ADAM22: variants seen among roughly 807,000 people sequenced by gnomAD.
The protein encoded by ADAM22 is ADAM metallopeptidase domain 22, also known as disintegrin and metalloproteinase domain-containing protein 22.
In ADAM22, 65 loss-of-function variants were observed where a neutral mutation model predicts 144.6. The observed-to-expected ratio is 0.45, with a 90% CI of 0.37 to 0.55. The LOEUF (loss-of-function observed/expected upper bound fraction) is 0.55, where lower values mean the gene tolerates loss of function less well. ADAM22 is among the 20% of genes least tolerant of loss of function. The probability of loss-of-function intolerance (pLI) is 0.00; values close to 1 mark genes in which losing one functional copy is unlikely to be tolerated. For missense variants in ADAM22, 974 were observed against 1,184.9 expected (o/e 0.82, Z 2.61); for synonymous variants, 391 against 412.6 (o/e 0.95, Z 0.63).
chr7:88,118,643 C>G (rs13311588), intron 7 of ADAM22, among the ~76,000 whole-genome samples: 1 of 33,994 alleles, frequency 2.9e-5, no homozygotes, highest in Non-Finnish European at 5.6e-5. Flanking sequence ...CCTTATATAT[C>G]TATCTATCTA....
intron 3 of ADAM22, among the ~76,000 whole-genome samples, chr7:88,037,530 G>C (rs1801804977): frequency 6.6e-6 from 1 of 152,076 alleles, no homozygotes; most frequent in Non-Finnish European, 1.5e-5. Flanking sequence ...TCTGCCTGCT[G>C]TCCAATTTCC....
At chr7:88,069,527 C>G (rs1009354724) in intron 3 of ADAM22, among the ~76,000 whole-genome samples, 1 of 152,188 alleles carries the variant, frequency 6.6e-6, no homozygotes, top group Non-Finnish European at 1.5e-5. Context: ...AGAAGAGTTA[C>G]AATTTATTGC....
intron 3 of ADAM22, among the ~76,000 whole-genome samples, chr7:87,990,105 C>T (rs535418574): frequency 6.6e-6 from 1 of 151,940 alleles, no homozygotes; most frequent in East Asian, 1.9e-4. Context: ...ATAGAGTACA[C>T]TTGATGTACT....
Position 88,116,766 on chromosome 7 carries a change from G to A in ADAM22, c.559G>A (p.Val187Ile). 1.2e-6 allele frequency: 2 copies of A among 1,613,412 alleles called. No homozygotes were observed. Among genetic ancestry groups the A allele is most frequent in the South Asian group, 1.1e-5 (1 of 91,034 alleles). ...TCAGGAGGATTTCCATTTTCATTCA[G>A]TTTACAAATCCAGACTGTTTGAATT... ...TTQEDFHFHS[V>I]YKSRLFEFSL... Residue 187 changes from valine to isoleucine, a missense_variant, in exon 7 of 32, where the codon GTT becomes ATT. Transcript: ENST00000413139.
intron 7 of ADAM22, among the ~76,000 whole-genome samples, chr7:88,121,998 T>A (rs1338797590): frequency 6.6e-6 from 1 of 152,208 alleles, no homozygotes; most frequent in Non-Finnish European, 1.5e-5. Context: ...TCTCACAGTT[T>A]CTGTGGATCA....
At chr7:88,169,327 A>T (rs1843687746) in intron 25 of ADAM22, among the ~76,000 whole-genome samples, 1 of 152,142 alleles carries the variant, frequency 6.6e-6, no homozygotes, top group Non-Finnish European at 1.5e-5. Context: ...TTGACATGGC[A>T]TGTCATAGTG....
intron 2 of ADAM22, among the ~76,000 whole-genome samples, chr7:87,951,431 G>A (rs1845136782): frequency 1.0e-5 from 1 of 99,852 alleles, no homozygotes; most frequent in Non-Finnish European, 2.0e-5. Flanking sequence ...TCTCAGGTTT[G>A]TCAAAGATCA....
At chr7:88,157,259 A>G (rs1840236312) in intron 22 of ADAM22, among the ~76,000 whole-genome samples, 5 of 152,146 alleles carry the variant, frequency 3.3e-5, no homozygotes, top group Admixed American at 2.0e-4. Flanking sequence ...GCTGAATACA[A>G]TGAGTGGAAT....
chr7:88,088,896 CAG>C (rs1355225913), intron 4 of ADAM22, among the ~76,000 whole-genome samples: 2 of 151,542 alleles, frequency 1.3e-5, no homozygotes, highest in East Asian at 1.9e-4. Context: ...TCATTAGTGA[CAG>C]AGTTCAGTTT....
intron 22 of ADAM22, among the ~76,000 whole-genome samples, chr7:88,159,910 T>C (rs1393355884): frequency 6.6e-6 from 1 of 152,034 alleles, no homozygotes; most frequent in Non-Finnish European, 1.5e-5. Flanking sequence ...CCAGAGCAAT[T>C]AGGCAAGAGT....
chr7:88,091,831 G>A (rs868668198), intron 4 of ADAM22, among the ~76,000 whole-genome samples: 46 of 152,152 alleles, frequency 3.0e-4, no homozygotes, highest in African/African-American at 9.6e-4. Context: ...GTAATTCACC[G>A]TCTCTTTTAG....
chr7:88,184,844 A>T (rs969167787), intron 29 of ADAM22, among the ~76,000 whole-genome samples: 1 of 152,186 alleles, frequency 6.6e-6, no homozygotes, highest in Non-Finnish European at 1.5e-5. Flanking sequence ...CAGAGGAAAA[A>T]GTCCATCAAG....
intron 4 of ADAM22, among the ~76,000 whole-genome samples, chr7:88,082,747 T>C (rs1418630854): frequency 6.6e-6 from 1 of 152,106 alleles, no homozygotes. Flanking sequence ...ATGCTCACCA[T>C]CACTGGCCAT....
intron 13 of ADAM22, 141 bp from the exon 14 acceptor site, chr7:88,135,839 G>T (rs576584436): frequency 5.0e-4 from 286 of 576,008 alleles, no homozygotes; most frequent in Non-Finnish European, 7.2e-4. Context: ...AAAAACTATT[G>T]TAAGATGAAT....
At chr7:88,019,387 A>C (rs996552315) in intron 3 of ADAM22, among the ~76,000 whole-genome samples, 2 of 152,150 alleles carry the variant, frequency 1.3e-5, no homozygotes, top group Admixed American at 6.5e-5. Flanking sequence ...AGGCAGGAGA[A>C]TTGCTTGAAT....
intron 3 of ADAM22, among the ~76,000 whole-genome samples, chr7:88,004,139 C>T (rs1793244203): frequency 1.3e-5 from 2 of 152,198 alleles, no homozygotes; most frequent in African/African-American, 4.8e-5. Flanking sequence ...GCATTGCCTG[C>T]ACTAAGAGGC....
At chr7:88,125,720 GAATCTAC>G in intron 8 of ADAM22, 61 bp downstream of exon 8, 1 of 1,349,706 alleles carries the variant, frequency 7.4e-7, no homozygotes, top group Admixed American at 2.3e-5. Context: ...CCAGTCATTT[GAATCTAC>G]AGTAAGTCTG....
intron 5 of ADAM22, among the ~76,000 whole-genome samples, chr7:88,108,728 C>CA (rs201450497): frequency 3.0e-4 from 38 of 128,280 alleles, no homozygotes; most frequent in African/African-American, 8.5e-4. Flanking sequence ...GACTCTGATT[C>CA]AAAAAAAATA....
chr7:88,094,158 A>G (rs990600239), intron 4 of ADAM22, among the ~76,000 whole-genome samples: 1 of 152,188 alleles, frequency 6.6e-6, no homozygotes, highest in African/African-American at 2.4e-5. Flanking sequence ...TAGGAGAGAC[A>G]GGCATGATGC....
Sources: gnomAD v4.1 joint callset for allele counts (sites outside exome capture counted in the v4.1 genomes callset) on GRCh38, gnomAD v4.1.1 for gene constraint, MANE v1.5 for transcripts, NCBI Gene and HGNC (gene_info 2026-07-23, HGNC 2026-07-21) for gene names.